SRD5A3: variants seen among roughly 807,000 people sequenced by gnomAD.
SRD5A3 encodes the protein steroid 5 alpha-reductase 3.
In SRD5A3, 24 loss-of-function variants were observed where a neutral mutation model predicts 34.3. The observed-to-expected ratio is 0.70, with a 90% CI of 0.51 to 0.99. The LOEUF is 0.99. Ranked by LOEUF, SRD5A3 falls within the 50% of genes least tolerant of loss-of-function variation. The pLI is 0.00. For synonymous variants in SRD5A3, 161 were observed against 167.3 expected (o/e 0.96, Z 0.29); for missense variants, 350 against 388.2 (o/e 0.90, Z 0.83).
chr4:55,353,740 C>G (rs1719307160), intron 1 of SRD5A3, among the ~76,000 whole-genome samples: 1 of 152,194 alleles, frequency 6.6e-6, no homozygotes, highest in Non-Finnish European at 1.5e-5. Flanking sequence ...AGCTGTAACA[C>G]TCACTGCCGA....
chr4:55,358,130 T>C (rs1356478640), intron 1 of SRD5A3, among the ~76,000 whole-genome samples: 1 of 152,158 alleles, frequency 6.6e-6, no homozygotes, highest in Non-Finnish European at 1.5e-5. Flanking sequence ...GCACGATGCA[T>C]TGAAGACCAG....
intron 1 of SRD5A3, among the ~76,000 whole-genome samples, chr4:55,352,712 T>A (rs572045415): frequency 6.6e-6 from 1 of 152,382 alleles, no homozygotes; most frequent in East Asian, 1.9e-4. Flanking sequence ...CCTTCTCTCA[T>A]TCATTTATTT....
Position 55,370,431 on chromosome 4 carries a change from T to TCACACACACACACA in SRD5A3, c.*369_*382dup, listed in dbSNP as rs3034886. 4.9e-4 allele frequency: 111 copies of TCACACACACACACA among 225,930 alleles called. No homozygotes were observed. Among genetic ancestry groups the TCACACACACACACA allele is most frequent in the African/African-American group, 2.7e-3 (109 of 40,578 alleles). The allele number at this position is 225,930 out of a possible 1,614,324, so 14.0% of individuals were successfully genotyped here. A position where few individuals can be genotyped will look rare whatever the true frequency, so the allele number is the denominator to read the frequency against. On this transcript the variant is annotated 3_prime_UTR_variant, in exon 5 of 5. Transcript: ENST00000264228. ...AAAAACCGAAAATATACAAACAGCT[T>TCACACACACACACA]CACACACACACACACACACACACAC...
intron 4 of SRD5A3, among the ~76,000 whole-genome samples, chr4:55,368,769 C>T (rs1226152938): frequency 2.0e-5 from 3 of 146,884 alleles, no homozygotes; most frequent in Admixed American, 6.8e-5. Flanking sequence ...GACAGAGTCT[C>T]ACTCTGTCAC....
Position 55,371,972 on chromosome 4 carries a change from G to T in SRD5A3, c.*1881G>T, listed in dbSNP as rs1244409509. On this transcript the variant is annotated 3_prime_UTR_variant, in exon 5 of 5. Coordinates refer to ENST00000264228, the MANE Select transcript of SRD5A3 (RefSeq NM_024592.5). The stretch of plus-strand genomic sequence containing the variant: ...TCCCGGATGCATGTCAAGCACATTG[G>T]AAAGTTCTTACAACAATTCTGATGG... The T allele has an allele frequency of 2.0e-5, 3 of 152,154 alleles. No homozygotes were observed. Among genetic ancestry groups the T allele is most frequent in the African/African-American group, 7.2e-5 (3 of 41,444 alleles). The allele number at this position is 152,154 out of a possible 1,614,324, so 9.4% of individuals were successfully genotyped here. A position where few individuals can be genotyped will look rare whatever the true frequency, so the allele number is the denominator to read the frequency against.
At chr4:55,347,884 C>T (rs576392360) in intron 1 of SRD5A3, among the ~76,000 whole-genome samples, 138 of 152,244 alleles carry the variant, frequency 9.1e-4, no homozygotes, top group African/African-American at 3.0e-3. Context: ...CTCCTGTTTC[C>T]TAGAGGCTCT....
chr4:55,359,465 T>C lies in SRD5A3; in HGVS notation c.341T>C (p.Ile114Thr). 1 of 1,614,102 alleles carries C rather than the reference T, an allele frequency of 6.2e-7. No individual in the cohort carries two copies. Among genetic ancestry groups the C allele is most frequent in the Non-Finnish European group, 8.5e-7 (1 of 1,180,024 alleles). The change falls in exon 2 of 5, where the codon ATT becomes ACT. Residue 114 changes from isoleucine to threonine, a missense_variant. By Grantham distance (89) the Ile-to-Thr change is moderately conservative (BLOSUM62 -1). Coordinates refer to ENST00000264228, the MANE Select transcript of SRD5A3 (RefSeq NM_024592.5). The stretch of plus-strand genomic sequence containing the variant: ...AGCTGGCTTCATGGTTTGCTCAGAA[T>C]TCTCGGGGCGGCACAGTTCCAGGGT... ...FPSWLHGLLR[I>T]LGAAQFQGGE...
chr4:55,356,805 GT>G (rs1043801030), intron 1 of SRD5A3, among the ~76,000 whole-genome samples: 10 of 151,986 alleles, frequency 6.6e-5, no homozygotes, highest in African/African-American at 2.4e-4. Flanking sequence ...CGCCTCCTGG[GT>G]AGCCTAGAGG....
At chr4:55,346,956 G>C (rs759532243) in intron 1 of SRD5A3, among the ~76,000 whole-genome samples, 47 of 152,220 alleles carry the variant, frequency 3.1e-4, no homozygotes, top group Non-Finnish European at 5.6e-4. Flanking sequence ...CACTCCAGTG[G>C]CTCATACTCT....
intron 3 of SRD5A3, 43 bp downstream of exon 3, chr4:55,364,314 G>A (rs1719795825): frequency 6.2e-7 from 1 of 1,601,220 alleles, no homozygotes; most frequent in Admixed American, 1.7e-5. Flanking sequence ...ACCCCAGGGT[G>A]TATGATGCGC....
At chr4:55,347,285 G>C (rs1355387354) in intron 1 of SRD5A3, among the ~76,000 whole-genome samples, 1 of 152,216 alleles carries the variant, frequency 6.6e-6, no homozygotes, top group Non-Finnish European at 1.5e-5. Flanking sequence ...TAGCTGGAAA[G>C]AGTTGGCCAA....
Position 55,364,279 on chromosome 4 carries a change from G to A in SRD5A3, c.562+8G>A, listed in dbSNP as rs1719794544. 6.2e-7 allele frequency: 1 copy of A among 1,613,758 alleles called. No individual in the cohort carries two copies. The highest frequency in any genetic ancestry group is 8.5e-7 in the Non-Finnish European group (1 of 1,180,020). On this transcript the variant is annotated splice_region_variant and intron_variant, in intron 3 of 4. Coordinates refer to ENST00000264228, the MANE Select transcript of SRD5A3 (RefSeq NM_024592.5). ...CAATGGATGGCAGGAATGGTGAGTG[G>A]ATCCAGCCCTGCCAGGAGCTCCCCA...
chr4:55,347,966 T>C (rs898879425), intron 1 of SRD5A3, among the ~76,000 whole-genome samples: 1 of 152,218 alleles, frequency 6.6e-6, no homozygotes, highest in Non-Finnish European at 1.5e-5. Context: ...CAGCAATTTA[T>C]TTTCTGAGTT....
chr4:55,346,616 C>T, intron 1 of SRD5A3, 59 bp downstream of exon 1: 10 of 1,448,918 alleles, frequency 6.9e-6, no homozygotes, highest in Admixed American at 2.5e-5. Flanking sequence ...CGGGGCGCCC[C>T]GGCTCGCGGG....
At chr4:55,352,557 A>G in intron 1 of SRD5A3, 1 of 460,434 alleles carries the variant, frequency 2.2e-6, no homozygotes, top group Admixed American at 3.5e-5. Context: ...CTTGTTTGCT[A>G]CCATATCCCT....
intron 1 of SRD5A3, among the ~76,000 whole-genome samples, chr4:55,357,086 CA>C: frequency 6.6e-6 from 1 of 152,170 alleles, no homozygotes; most frequent in East Asian, 1.9e-4. Flanking sequence ...TCATTCTAGC[CA>C]AATGTTACTT....
At chr4:55,347,473 A>G (rs1001935757) in intron 1 of SRD5A3, among the ~76,000 whole-genome samples, 2 of 152,170 alleles carry the variant, frequency 1.3e-5, no homozygotes, top group Non-Finnish European at 2.9e-5. Context: ...TCCTGAAAAT[A>G]CAAAAAATTG....
intron 1 of SRD5A3, among the ~76,000 whole-genome samples, chr4:55,348,445 A>G (rs7692806): frequency 0.89 from 135,013 of 152,256 alleles, 60,362 homozygotes; most frequent in East Asian, 1. Flanking sequence ...TAGGCAGATA[A>G]TTAGAGTTGG....
At position 55,370,389 on chromosome 4, in the gene SRD5A3, C is replaced by T. The variant is rs1718188037; in HGVS notation, c.*298C>T. Reference sequence around the variant, plus strand: ...TAGATGAGACTTCTCCAAGCTGCTTCACAAGCAAACTAACCGAAAAACCGA... The same window carrying T: ...TAGATGAGACTTCTCCAAGCTGCTTTACAAGCAAACTAACCGAAAAACCGA... On this transcript the variant is annotated 3_prime_UTR_variant, in exon 5 of 5. Transcript: ENST00000264228. The T allele has an allele frequency of 2.4e-6, 1 of 424,770 alleles. No homozygotes were observed. Among genetic ancestry groups the T allele is most frequent in the African/African-American group, 2.1e-5 (1 of 47,460 alleles). 26.3% of individuals were successfully genotyped at this position (424,770 alleles called of 1,614,324 possible).
Sources: gnomAD v4.1 joint callset for allele counts (sites outside exome capture counted in the v4.1 genomes callset) on GRCh38, gnomAD v4.1.1 for gene constraint, MANE v1.5 for transcripts, NCBI Gene and HGNC (gene_info 2026-07-23, HGNC 2026-07-21) for gene names.